RPE: variants seen among roughly 807,000 people sequenced by gnomAD.
RPE encodes the protein ribulose-phosphate 3-epimerase.
In RPE, 16 loss-of-function variants were observed where a neutral mutation model predicts 24.6. That is an observed-to-expected ratio of 0.65 (90% CI 0.44 to 0.99). The LOEUF (loss-of-function observed/expected upper bound fraction) is 0.99. Among genes scored for constraint, RPE ranks in the 50% least tolerant of loss-of-function variants. RPE has a pLI of 0.00. For synonymous variants in RPE, 93 were observed against 98.4 expected (o/e 0.94, Z 0.33); for missense variants, 240 against 294.5 (o/e 0.81, Z 1.35).
intron 5 of RPE, among the ~76,000 whole-genome samples, chr2:210,019,208 TTAA>T (rs2093822355): frequency 6.6e-6 from 1 of 152,236 alleles, no homozygotes; most frequent in Non-Finnish European, 1.5e-5. Flanking sequence ...GAGAACTCAC[TTAA>T]TTTTGCCGTA....
intron 5 of RPE, among the ~76,000 whole-genome samples, chr2:210,019,149 T>C (rs2093821137): frequency 1.3e-5 from 2 of 152,200 alleles, no homozygotes; most frequent in Non-Finnish European, 2.9e-5. Flanking sequence ...AAAACCATTC[T>C]GAAATGCAAT....
At chr2:210,018,434 A>G in intron 5 of RPE, 1 of 983,926 alleles carries the variant, frequency 1.0e-6, no homozygotes, top group Non-Finnish European at 1.2e-6. Context: ...TAGCATAGTC[A>G]GGCTCCTGAG....
chr2:210,016,014 C>A lies in RPE; in HGVS notation c.244C>A (p.Pro82Thr), dbSNP rs776000759. 15 of 1,614,188 alleles carry A rather than the reference C, an allele frequency of 9.3e-6. No individual in the cohort carries two copies. The South Asian group carries it at 1.6e-4, about 18-fold the overall frequency. ...GTCCAAGCCAGAACAGTGGGTAAAG[C>A]CAATGGCTGTAGCAGGAGCCAATCA... ...MVSKPEQWVK[P>T]MAVAGANQYT... Residue 82 changes from proline (P) to threonine (T), a missense_variant, in exon 3 of 6, where the codon CCA (proline) becomes ACA (threonine). Coordinates refer to ENST00000359429, the MANE Select transcript of RPE (RefSeq NM_199229.3).
At chr2:210,019,412 T>C (rs894177690) in intron 5 of RPE, among the ~76,000 whole-genome samples, 3 of 152,194 alleles carry the variant, frequency 2.0e-5, no homozygotes, top group Non-Finnish European at 2.9e-5. Flanking sequence ...AGATACCATG[T>C]AGATTATTAA....
At chr2:210,011,529 C>T (rs1047456941) in intron 2 of RPE, among the ~76,000 whole-genome samples, 1 of 152,150 alleles carries the variant, frequency 6.6e-6, no homozygotes, top group Non-Finnish European at 1.5e-5. Context: ...CACACACAAT[C>T]TGCTTTTTCT....
At chr2:210,018,012 TG>T in intron 5 of RPE, 3 of 865,600 alleles carry the variant, frequency 3.5e-6, no homozygotes, top group Non-Finnish European at 5.1e-6. Context: ...CCCAAAGTGT[TG>T]GGATTACAGA....
In RPE at chr2:210,018,570, T is replaced by C. The variant is rs1405211521; in HGVS notation, c.564+1011T>C. On this transcript the variant is annotated intron_variant, in intron 5 of 5. Coordinates refer to ENST00000359429, the MANE Select transcript of RPE (RefSeq NM_199229.3). Reference sequence around the variant, plus strand: ...CACACGTTTCTGCTTGATATATACCTATCAAAAGCTTGACAGTAGTAAATA... The same window carrying C: ...CACACGTTTCTGCTTGATATATACCCATCAAAAGCTTGACAGTAGTAAATA... 3 of 985,124 alleles carry C rather than the reference T, an allele frequency of 3.0e-6. No homozygotes were observed. In the African/African-American group the frequency reaches 5.2e-5, roughly 17 times the overall value. The allele number at this position is 985,124 out of a possible 1,614,324, so 61.0% of individuals were successfully genotyped here. A position where few individuals can be genotyped will look rare whatever the true frequency, so the allele number is the denominator to read the frequency against.
At chr2:210,017,730 ATGCTTTTTT>A (rs1218492835) in intron 5 of RPE, 171 bp downstream of exon 5, 1 of 376,382 alleles carries the variant, frequency 2.7e-6, no homozygotes. Context: ...ATAAGTGGAT[ATGCTTTTTT>A]TTTTTTTTTT....
At chr2:210,003,307 C>T (rs995797063) in intron 1 of RPE, 4 of 404,924 alleles carry the variant, frequency 9.9e-6, no homozygotes, top group East Asian at 1.6e-4. Flanking sequence ...GAACCTACCG[C>T]TTAGGCATCT....
intron 1 of RPE, among the ~76,000 whole-genome samples, chr2:210,007,782 A>G (rs1328247641): frequency 6.6e-6 from 1 of 152,216 alleles, no homozygotes; most frequent in Non-Finnish European, 1.5e-5. Flanking sequence ...CTTTTCTTGT[A>G]ATCCTCATAT....
rs367618489 is a variant in RPE at position 210,005,853 on chromosome 2, A to C, written c.122+3070A>C. On this transcript the variant is annotated intron_variant, in intron 1 of 5. Transcript: ENST00000359429. ...CACAGGAAGATTGTGTTCTAGTTAC[A>C]GTCCTGTACCTTTTATAGCAACTCT... Among the ~76,000 whole-genome samples the C allele has an allele frequency of 6.6e-5, 10 of 152,182 alleles. No individual in the cohort carries two copies. In the East Asian group the frequency reaches 7.7e-4, roughly 12 times the overall value.
Position 210,009,629 on chromosome 2 carries a change from T to C in RPE, c.123-28T>C, listed in dbSNP as rs1196594413. On this transcript the variant is annotated intron_variant, in intron 1 of 5. Transcript: ENST00000359429. ...ATACAGAAACTGAATTGAAAACATT[T>C]TCAGAGTAGATTTTGTTTGTCTTGT... is the stretch of plus-strand genomic sequence containing the variant. The C allele has an allele frequency of 8.1e-6, 13 of 1,613,788 alleles. No individual in the cohort carries two copies. The East Asian group carries it at 2.7e-4, about 33-fold the overall frequency.
intron 1 of RPE, among the ~76,000 whole-genome samples, chr2:210,008,377 T>C (rs2093658430): frequency 6.7e-6 from 1 of 148,904 alleles, no homozygotes; most frequent in Admixed American, 6.8e-5. Flanking sequence ...CTCACTACAG[T>C]CTCCACCTCC....
chr2:210,017,425 C>CCAAAAA, intron 4 of RPE, 48 bp from the exon 5 acceptor site: 4 of 1,104,240 alleles, frequency 3.6e-6, no homozygotes, highest in African/African-American at 1.5e-5. Flanking sequence ...CCACCCCCAC[C>CCAAAAA]AACATACCCA....
At chr2:210,017,733 CTTT>C in intron 5 of RPE, 174 bp downstream of exon 5, 3 of 296,430 alleles carry the variant, frequency 1.0e-5, no homozygotes, top group African/African-American at 6.8e-5. Flanking sequence ...AGTGGATATG[CTTT>C]TTTTTTTTTT....
rs1294797043 is a variant in RPE at position 210,021,799 on chromosome 2, A to G, written c.*2008A>G. 1.3e-5 allele frequency: 2 copies of G among 151,872 alleles called. No homozygotes were observed. Among genetic ancestry groups the G allele is most frequent in the African/African-American group, 4.8e-5 (2 of 41,362 alleles). 9.4% of individuals were successfully genotyped at this position (151,872 alleles called of 1,614,324 possible). A position where few individuals can be genotyped will look rare whatever the true frequency, so the allele number is the denominator to read the frequency against. ...GGAAAAAAATGGTTTAATAGCTTCAAAAGGAATTTTCTTTCATGTATACTC... is the reference window on the plus strand; with the variant it reads ...GGAAAAAAATGGTTTAATAGCTTCAGAAGGAATTTTCTTTCATGTATACTC... On this transcript the variant is annotated 3_prime_UTR_variant, in exon 6 of 6. Transcript: ENST00000359429.
chr2:210,009,306 G>C (rs2093671071), intron 1 of RPE, among the ~76,000 whole-genome samples: 2 of 152,228 alleles, frequency 1.3e-5, no homozygotes, highest in African/African-American at 4.8e-5. Context: ...GGATTCAGGA[G>C]ATCAATATTA....
At chr2:210,016,672 C>G (rs1217619207) in intron 4 of RPE, 31 bp downstream of exon 4, 1 of 1,613,520 alleles carries the variant, frequency 6.2e-7, no homozygotes, top group Non-Finnish European at 8.5e-7. Context: ...TGGGGTGAGG[C>G]TTTTACAGTG....
chr2:210,016,498 C>T lies in RPE; in HGVS notation c.343-9C>T, dbSNP rs778295149. 21 of 1,614,068 alleles carry T rather than the reference C, an allele frequency of 1.3e-5. No homozygotes were observed. The highest frequency in any genetic ancestry group is 2.2e-5 in the South Asian group (2 of 91,086). On this transcript the variant is annotated splice_polypyrimidine_tract_variant and intron_variant, in intron 3 of 5. Transcript: ENST00000359429. ...TAAATGTGATATAGCATATTTGTGT[C>T]TGTTACAGGTTGGCCTTGCCATCAA...
Sources: gnomAD v4.1 joint callset for allele counts (sites outside exome capture counted in the v4.1 genomes callset) on GRCh38, gnomAD v4.1.1 for gene constraint, MANE v1.5 for transcripts, NCBI Gene and HGNC (gene_info 2026-07-23, HGNC 2026-07-21) for gene names.